The following COPS9 variants were observed in gnomAD, a reference collection of about 807,000 sequenced individuals.
COPS9 encodes COP9 signalosome subunit 9.
COPS9 carries 8 observed loss-of-function variants against 7.2 expected under a neutral mutation model. The ratio of observed to expected loss-of-function variants is 1.11; its 90% CI spans 0.65 to 2.00. COPS9 has a LOEUF of 2.00. Ranked by LOEUF, COPS9 falls within the 30% of genes most tolerant of loss-of-function variation. COPS9 has a pLI of 0.00. For synonymous variants in COPS9, 39 were observed against 28.7 expected, an observed-to-expected ratio of 1.36 and a Z score of -1.14; for missense variants, 74 against 77.7, an observed-to-expected ratio of 0.95 and a Z score of 0.18.
chr2:240,130,096 G>A (rs2106555130), downstream of COPS9: 3 of 1,270,200 alleles, frequency 2.4e-6, no homozygotes, highest in South Asian at 2.6e-5. Flanking sequence ...CCACTCATGA[G>A]AAAAAGAGGC....
At chr2:240,134,474 G>A (rs1046871911) in intron 1 of COPS9, among the ~76,000 whole-genome samples, 131 of 152,226 alleles carry the variant, frequency 8.6e-4, no homozygotes, top group African/African-American at 2.5e-3. Context: ...ATCATGGACC[G>A]TCCACTGCCA....
rs1301214344 is a variant in COPS9, at chr2:240,131,211, A to G, written c.137-123T>C. 6.8e-6 allele frequency: 8 copies of G among 1,177,508 alleles called. No individual in the cohort carries two copies. In the East Asian group the frequency reaches 1.8e-4, roughly 26 times the overall value. 72.9% of individuals were successfully genotyped at this position (1,177,508 alleles called of 1,614,324 possible). On this transcript the variant is annotated intron_variant, in intron 2 of 2. Coordinates refer to ENST00000607357, the MANE Select transcript of COPS9 (RefSeq NM_001163424.2). ...TAATCGTCAATGATCCAATGAAATAAAAGACTTTTCCCGTAACAGACTTTC... is the reference window on the plus strand; with the variant it reads ...TAATCGTCAATGATCCAATGAAATAGAAGACTTTTCCCGTAACAGACTTTC...
chr2:240,129,245 C>A (rs142712058), downstream of COPS9, among the ~76,000 whole-genome samples: 675 of 152,334 alleles, frequency 4.4e-3, 3 homozygotes, highest in Middle Eastern at 0.01. Flanking sequence ...TCACTGCAAT[C>A]CTGAACTCCT....
In COPS9 at chr2:240,134,340, C is replaced by A. The variant is rs1339289603; in HGVS notation, c.64-335G>T. ...CCTCGCCGGACATCGCCAGAGGCCA[C>A]AAACATGCGAAATTGAGCCCATCGC... On this transcript the variant is annotated intron_variant, in intron 1 of 2. Transcript: ENST00000607357. The A allele has an allele frequency of 1.6e-5, 4 of 246,364 alleles. No homozygotes were observed. The East Asian group carries it at 2.9e-4, about 18-fold the overall frequency. 15.3% of individuals were successfully genotyped at this position (246,364 alleles called of 1,614,324 possible).
chr2:240,126,828 AGC>A (rs777943961), downstream of COPS9: 1 of 1,614,190 alleles, frequency 6.2e-7, no homozygotes, highest in Non-Finnish European at 8.5e-7. Flanking sequence ...GGTGCCACAC[AGC>A]GGATGTTCTC....
At chr2:240,136,315 C>T, upstream of COPS9, 2 of 1,540,794 alleles carry the variant, frequency 1.3e-6, no homozygotes, top group South Asian at 1.2e-5. Context: ...GGCTCACTTC[C>T]GGCCTCAGAG....
At chr2:240,127,657 A>G (rs2071880101), downstream of COPS9, among the ~76,000 whole-genome samples, 1 of 152,140 alleles carries the variant, frequency 6.6e-6, no homozygotes, top group South Asian at 2.1e-4. Flanking sequence ...GATCTGAGAG[A>G]GACCCCATGC....
rs553895451 is a variant in COPS9, at chr2:240,130,913, T to C, written c.*138A>G. 163 of 1,472,510 alleles carry C rather than the reference T, an allele frequency of 1.1e-4. No homozygotes were observed. The highest frequency in any genetic ancestry group is 7.3e-4 in the Middle Eastern group (3 of 4,102). 91.2% of individuals were successfully genotyped at this position (1,472,510 alleles called of 1,614,324 possible). On this transcript the variant is annotated 3_prime_UTR_variant, in exon 3 of 3. Transcript: ENST00000607357. ...GAATCATCTAGGTCGTTAAGAACAGTCTTATCTTTCTGGTTAACCAGGTCC... is the reference window on the plus strand; with the variant it reads ...GAATCATCTAGGTCGTTAAGAACAGCCTTATCTTTCTGGTTAACCAGGTCC...
downstream of COPS9, among the ~76,000 whole-genome samples, chr2:240,129,071 C>T (rs571350493): frequency 6.0e-4 from 91 of 152,340 alleles, no homozygotes; most frequent in Non-Finnish European, 9.7e-4. Flanking sequence ...AGTTCCTCTG[C>T]GGCAGCTCTC....
chr2:240,134,058 T>G (rs1574948800), intron 1 of COPS9, 53 bp from the exon 2 acceptor site: 1 of 1,566,302 alleles, frequency 6.4e-7, no homozygotes, highest in Middle Eastern at 1.8e-4. Flanking sequence ...AAAGAACAGG[T>G]GATAAGTGCA....
At chr2:240,128,621 C>T (rs527278092), downstream of COPS9, among the ~76,000 whole-genome samples, 5 of 151,634 alleles carry the variant, frequency 3.3e-5, no homozygotes, top group Non-Finnish European at 7.4e-5. Flanking sequence ...GTGATGAAGG[C>T]GATCAGGTAT....
chr2:240,130,767 C>A, downstream of COPS9: 11 of 1,327,100 alleles, frequency 8.3e-6, no homozygotes, highest in Non-Finnish European at 1.1e-5. Flanking sequence ...CACAAACACA[C>A]AGAGACGTTT....
chr2:240,129,309 C>T (rs1245551349), downstream of COPS9, among the ~76,000 whole-genome samples: 4 of 152,190 alleles, frequency 2.6e-5, no homozygotes, highest in East Asian at 1.9e-4. Context: ...ACTATAGGCA[C>T]GTGCCACCAT....
At chr2:240,126,798 C>T (rs756273200), downstream of COPS9, 1 of 1,614,198 alleles carries the variant, frequency 6.2e-7, no homozygotes, top group Non-Finnish European at 8.5e-7. Flanking sequence ...GCCCATTTTC[C>T]CCTCACTTGT....
chr2:240,136,213 C>A lies in COPS9; in HGVS notation c.63+9G>T, dbSNP rs1238686665. The A allele has an allele frequency of 1.4e-5, 21 of 1,539,040 alleles. No homozygotes were observed. The highest frequency in any genetic ancestry group is 2.9e-5 in the African/African-American group (2 of 69,618). On this transcript the variant is annotated intron_variant, in intron 1 of 2. Transcript: ENST00000607357. ...CCACGCTCGGAGACTCCCGCCGGGC[C>A]CGTGCCACCTCGTCCAGGTCCACGT...
chr2:240,134,089 C>CA (rs2071949320), intron 1 of COPS9, 84 bp from the exon 2 acceptor site: 5 of 1,273,942 alleles, frequency 3.9e-6, no homozygotes, highest in East Asian at 2.3e-5. Context: ...ACTACCCCCA[C>CA]AAAAAAAGAA....
At chr2:240,134,047 G>C in intron 1 of COPS9, 42 bp from the exon 2 acceptor site, 1 of 1,595,628 alleles carries the variant, frequency 6.3e-7, no homozygotes, top group South Asian at 1.1e-5. Context: ...TGCGTTTTCC[G>C]AAAGAACAGG....
downstream of COPS9, chr2:240,129,793 C>T: frequency 1.2e-6 from 1 of 819,970 alleles, no homozygotes; most frequent in Non-Finnish European, 2.0e-6. Context: ...GACGTGCACG[C>T]CTGGCCGCTG....
rs1480803968 is a variant in COPS9 at position 240,132,729 on chromosome 2, C to G, written c.136+1204G>C. On this transcript the variant is annotated intron_variant, in intron 2 of 2. Transcript: ENST00000607357. The surrounding 1 kb of genome is among the most constrained non-coding windows in gnomAD (Gnocchi z 4.1). ...TGCAAGCGTGTGGTGCCAGCATTAGCAACTGCCCAATCCTGCCCACGTGAA... is the reference window on the plus strand; with the variant it reads ...TGCAAGCGTGTGGTGCCAGCATTAGGAACTGCCCAATCCTGCCCACGTGAA... 6.6e-6 allele frequency among the ~76,000 whole-genome samples: 1 copy of G among 152,202 alleles called. No individual in the cohort carries two copies. The highest frequency in any genetic ancestry group is 1.5e-5 in the Non-Finnish European group (1 of 68,034).
Sources: allele counts gnomAD v4.1 joint callset (sites outside exome capture counted in the v4.1 genomes callset), GRCh38; gene constraint gnomAD v4.1.1; non-coding constraint Gnocchi (gnomAD v3.1); transcripts MANE v1.5; gene names NCBI Gene and HGNC (gene_info 2026-07-23, HGNC 2026-07-21).